Variants in FOXP2 observed in about 807,000 individuals in gnomAD.
FOXP2 encodes forkhead box P2.
FOXP2 carries 12 observed loss-of-function variants against 115.8 expected under a neutral mutation model. The observed-to-expected ratio is 0.10, with a 90% CI of 0.07 to 0.17. The LOEUF is 0.17. Ranked by LOEUF, FOXP2 falls within the 10% of genes least tolerant of loss-of-function variation. The pLI is 1.00. For missense variants in FOXP2, 629 were observed against 843.5 expected, an observed-to-expected ratio of 0.75 and a Z score of 3.15; for synonymous variants, 328 against 297.7, an observed-to-expected ratio of 1.10 and a Z score of -1.05.
intron 1 of FOXP2, among the ~76,000 whole-genome samples, chr7:114,096,691 C>T (rs1000450461): frequency 1.3e-4 from 20 of 151,978 alleles, no homozygotes; most frequent in African/African-American, 4.8e-4. Context: ...ATTAAAGGAA[C>T]ATCATTATTA....
chr7:114,235,560 A>G (rs890181553), intron 1 of FOXP2, among the ~76,000 whole-genome samples: 3 of 152,178 alleles, frequency 2.0e-5, no homozygotes, highest in Admixed American at 6.5e-5. Flanking sequence ...AATGTAGTAT[A>G]TTGTCTTAGT....
At chr7:114,322,260 C>T (rs1394628865) in intron 2 of FOXP2, among the ~76,000 whole-genome samples, 1 of 151,850 alleles carries the variant, frequency 6.6e-6, no homozygotes, top group Non-Finnish European at 1.5e-5. Flanking sequence ...TAGACTCAAG[C>T]AGTCCTCCTG....
intron 2 of FOXP2, among the ~76,000 whole-genome samples, chr7:114,341,182 G>T (rs1791202452): frequency 6.6e-6 from 1 of 150,960 alleles, no homozygotes; most frequent in Non-Finnish European, 1.5e-5. Context: ...GTAATGTCAG[G>T]ATCCTCAGAA....
intron 6 of FOXP2, among the ~76,000 whole-genome samples, chr7:114,637,764 CAGA>C (rs1805304381): frequency 2.0e-5 from 3 of 152,052 alleles, no homozygotes; most frequent in Non-Finnish European, 4.4e-5. Flanking sequence ...GGGTGACCCT[CAGA>C]AGGAGTCCTG....
At chr7:114,394,174 G>A (rs957810379) in intron 2 of FOXP2, among the ~76,000 whole-genome samples, 3 of 152,014 alleles carry the variant, frequency 2.0e-5, no homozygotes, top group Admixed American at 6.6e-5. Context: ...GACAGGGAAA[G>A]TATAAAATAA....
intron 2 of FOXP2, among the ~76,000 whole-genome samples, chr7:114,532,063 T>C (rs1412485172): frequency 6.6e-6 from 1 of 151,912 alleles, no homozygotes; most frequent in Non-Finnish European, 1.5e-5. Flanking sequence ...ATCCTAGTAT[T>C]GTTTCTTCAG....
intron 2 of FOXP2, among the ~76,000 whole-genome samples, chr7:114,458,824 A>G (rs1029353610): frequency 2.0e-5 from 3 of 152,172 alleles, no homozygotes; most frequent in African/African-American, 7.2e-5. Context: ...CATCTATTTA[A>G]TGCTTCCTAA....
intron 1 of FOXP2, among the ~76,000 whole-genome samples, chr7:114,152,415 G>A (rs1792550996): frequency 6.6e-6 from 1 of 152,174 alleles, no homozygotes; most frequent in African/African-American, 2.4e-5. Context: ...ACAGATGGTA[G>A]AGTGTTTGCC....
At chr7:114,123,355 A>G (rs1301808239) in intron 1 of FOXP2, among the ~76,000 whole-genome samples, 1 of 150,612 alleles carries the variant, frequency 6.6e-6, no homozygotes, top group East Asian at 1.9e-4. Flanking sequence ...CCCTGTCAAA[A>G]AAAAAAAAAA....
intron 3 of FOXP2, among the ~76,000 whole-genome samples, chr7:114,610,405 T>C (rs1205687289): frequency 6.6e-6 from 1 of 152,182 alleles, no homozygotes; most frequent in Non-Finnish European, 1.5e-5. Flanking sequence ...AAAATTGGTA[T>C]TTAAAATGCA....
At chr7:114,457,890 G>A (rs529523645) in intron 2 of FOXP2, among the ~76,000 whole-genome samples, 11 of 120,636 alleles carry the variant, frequency 9.1e-5, no homozygotes, top group South Asian at 5.6e-4. Context: ...GCGAGACTCC[G>A]TCTCAAAAAA....
At chr7:114,442,745 A>G (rs1247513134) in intron 2 of FOXP2, among the ~76,000 whole-genome samples, 1 of 152,168 alleles carries the variant, frequency 6.6e-6, no homozygotes, top group African/African-American at 2.4e-5. Flanking sequence ...TACAGACGTC[A>G]GCAGCCATGT....
chr7:114,529,704 A>C (rs1467755855), intron 2 of FOXP2, among the ~76,000 whole-genome samples: 2 of 151,858 alleles, frequency 1.3e-5, no homozygotes, highest in Non-Finnish European at 2.9e-5. Context: ...ATAAAAGGTC[A>C]ATAGCTACAG....
rs538772623 is a variant in FOXP2, at chr7:114,388,799, T to C, written c.-10-37703T>C. On this transcript the variant is annotated intron_variant, in intron 2 of 17. Transcript: ENST00000634411. The stretch of plus-strand genomic sequence containing the variant: ...ATAGAGGAAAAATAGTTAAAATGCA[T>C]ATATTAGAAATGTTATAAAGCACTG... Among the ~76,000 whole-genome samples, 5 of 152,306 alleles carry C rather than the reference T, an allele frequency of 3.3e-5. No homozygotes were observed. In the South Asian group the frequency reaches 1.0e-3, roughly 32 times the overall value.
chr7:114,125,007 G>A (rs1317260452), intron 1 of FOXP2, among the ~76,000 whole-genome samples: 1 of 152,088 alleles, frequency 6.6e-6, no homozygotes, highest in Non-Finnish European at 1.5e-5. Flanking sequence ...CTAGAAAGCA[G>A]CAAAAGCAGA....
At chr7:114,451,605 G>A (rs1795075313) in intron 2 of FOXP2, among the ~76,000 whole-genome samples, 1 of 151,850 alleles carries the variant, frequency 6.6e-6, no homozygotes, top group Non-Finnish European at 1.5e-5. Flanking sequence ...TAGTATATTG[G>A]ACTATATGAA....
intron 2 of FOXP2, among the ~76,000 whole-genome samples, chr7:114,494,917 TC>T (rs2129247219): frequency 6.6e-6 from 1 of 152,354 alleles, no homozygotes; most frequent in South Asian, 2.1e-4. Context: ...ACTTTAGTTT[TC>T]ATTGCTTACA....
chr7:114,250,144 C>T (rs1159593512), intron 1 of FOXP2, among the ~76,000 whole-genome samples: 1 of 152,112 alleles, frequency 6.6e-6, no homozygotes, highest in Non-Finnish European at 1.5e-5. Context: ...TTTATGGCTG[C>T]ATAGTATTCC....
intron 2 of FOXP2, among the ~76,000 whole-genome samples, chr7:114,354,531 G>T (rs1791568881): frequency 6.6e-6 from 1 of 152,014 alleles, no homozygotes; most frequent in Admixed American, 6.6e-5. Flanking sequence ...GAATGAAGAG[G>T]TACTTTCTCT....
Sources: gnomAD v4.1 joint callset for allele counts (sites outside exome capture counted in the v4.1 genomes callset) on GRCh38, gnomAD v4.1.1 for gene constraint, MANE v1.5 for transcripts, NCBI Gene and HGNC (gene_info 2026-07-23, HGNC 2026-07-21) for gene names.